The following VPS13D variants were observed in gnomAD, a reference collection of about 807,000 sequenced individuals.
The protein encoded by VPS13D is vacuolar protein sorting 13 homolog D, also known as intermembrane lipid transfer protein VPS13D.
A neutral mutation model predicts 461.9 loss-of-function variants in VPS13D; 187 were observed. The observed-to-expected ratio is 0.40, with a 90% CI of 0.36 to 0.46. The LOEUF is 0.46. Ranked by LOEUF, VPS13D falls within the 20% of genes least tolerant of loss-of-function variation. VPS13D has a pLI of 0.60. For missense variants in VPS13D, 4,711 were observed against 5,364.9 expected (o/e 0.88, Z 3.81); for synonymous variants, 1,951 against 1,986.3 (o/e 0.98, Z 0.47).
intron 67 of VPS13D, among the ~76,000 whole-genome samples, chr1:12,486,012 C>G (rs1057015193): frequency 1.1e-4 from 17 of 152,180 alleles, no homozygotes; most frequent in African/African-American, 4.1e-4. Flanking sequence ...TGTGGATATT[C>G]TTGCCTCATG....
chr1:12,338,373 T>G, intron 40 of VPS13D, 68 bp downstream of exon 40: 1 of 1,481,338 alleles, frequency 6.8e-7, no homozygotes, highest in South Asian at 1.1e-5. Flanking sequence ...ACATCAATTT[T>G]TTTTTTAATG....
At chr1:12,486,144 C>A (rs1645794002) in intron 67 of VPS13D, among the ~76,000 whole-genome samples, 1 of 152,342 alleles carries the variant, frequency 6.6e-6, no homozygotes, top group Admixed American at 6.5e-5. Context: ...CAGTTTGACA[C>A]AAGTTCAAGG....
At chr1:12,285,984 T>A (rs1641960144) in intron 21 of VPS13D, among the ~76,000 whole-genome samples, 1 of 74,028 alleles carries the variant, frequency 1.4e-5, no homozygotes, top group Admixed American at 1.3e-4. Context: ...TTTCCTTTCC[T>A]TTCCTTTCCT....
intron 52 of VPS13D, among the ~76,000 whole-genome samples, chr1:12,365,703 CAAA>C: frequency 1.1e-5 from 1 of 92,094 alleles, no homozygotes; most frequent in Admixed American, 1.1e-4. Context: ...GACTCTGTCT[CAAA>C]AAAAAAAAAA....
At chr1:12,312,369 C>T (rs907959880) in intron 29 of VPS13D, among the ~76,000 whole-genome samples, 1 of 152,184 alleles carries the variant, frequency 6.6e-6, no homozygotes, top group African/African-American at 2.4e-5. Context: ...GTGATGGAGT[C>T]AGAAAGTCCT....
chr1:12,486,069 A>G (rs1188932927), intron 67 of VPS13D, among the ~76,000 whole-genome samples: 12 of 152,206 alleles, frequency 7.9e-5, no homozygotes, highest in Non-Finnish European at 4.4e-5. Context: ...GGCGGAAAAA[A>G]GAAATCTCTT....
At chr1:12,282,671 T>A in intron 20 of VPS13D, 34 bp from the exon 21 acceptor site, 1 of 1,555,130 alleles carries the variant, frequency 6.4e-7, no homozygotes, top group Non-Finnish European at 8.7e-7. Flanking sequence ...CATTTAATAA[T>A]AAGAGTAACT....
intron 33 of VPS13D, 32 bp from the exon 34 acceptor site, chr1:12,322,503 TA>T: frequency 6.2e-7 from 1 of 1,608,920 alleles, no homozygotes; most frequent in Non-Finnish European, 8.5e-7. Flanking sequence ...AATGCAGCTT[TA>T]AAAAATTGCT....
intron 63 of VPS13D, among the ~76,000 whole-genome samples, chr1:12,405,985 T>C (rs1644648504): frequency 6.6e-6 from 1 of 152,210 alleles, no homozygotes; most frequent in Non-Finnish European, 1.5e-5. Flanking sequence ...GATGGTTGTG[T>C]GTGCGCTCGG....
intron 57 of VPS13D, 123 bp from the exon 58 acceptor site, chr1:12,382,853 C>T: frequency 1.2e-6 from 1 of 817,268 alleles, no homozygotes; most frequent in Non-Finnish European, 1.9e-6. Context: ...GGCTTTGTTG[C>T]ACATTGATCA....
chr1:12,248,526 G>A (rs1183330079), intron 5 of VPS13D, among the ~76,000 whole-genome samples: 1 of 151,984 alleles, frequency 6.6e-6, no homozygotes, highest in Non-Finnish European at 1.5e-5. Flanking sequence ...AAAATTTTTA[G>A]TAGAAGTGAG....
At chr1:12,466,663 A>G (rs1645487957) in intron 67 of VPS13D, among the ~76,000 whole-genome samples, 1 of 151,770 alleles carries the variant, frequency 6.6e-6, no homozygotes, top group Non-Finnish European at 1.5e-5. Flanking sequence ...GCATCCATAT[A>G]GAGGCATGTA....
intron 65 of VPS13D, among the ~76,000 whole-genome samples, chr1:12,432,166 G>A (rs991754194): frequency 1.3e-5 from 2 of 152,108 alleles, no homozygotes; most frequent in Admixed American, 6.6e-5. Context: ...GGCTGAGGCG[G>A]GCGGATAACC....
intron 67 of VPS13D, among the ~76,000 whole-genome samples, chr1:12,461,895 T>C (rs2100420085): frequency 6.6e-6 from 1 of 152,358 alleles, no homozygotes; most frequent in South Asian, 2.1e-4. Flanking sequence ...TTTTTCATTC[T>C]TTTTAGGAGC....
intron 38 of VPS13D, 121 bp downstream of exon 38, chr1:12,333,487 C>G (rs1400487445): frequency 1.6e-6 from 2 of 1,252,044 alleles, no homozygotes; most frequent in East Asian, 2.5e-5. Flanking sequence ...CTTCTTCATC[C>G]TGACTGCTTT....
chr1:12,502,563 C>T lies in VPS13D; in HGVS notation c.12795-4290C>T, dbSNP rs966242882. 1.3e-5 allele frequency among the ~76,000 whole-genome samples: 2 copies of T among 151,040 alleles called. No homozygotes were observed. The highest frequency in any genetic ancestry group is 4.9e-5 in the African/African-American group (2 of 40,902). ...CGCCTAGGGGTAGAGGAGCCTGTTC[C>T]AGGAGCTCTGAGTCAGGCTTCTGAT... On this transcript the variant is annotated intron_variant, in intron 68 of 69. Coordinates refer to ENST00000620676, the MANE Select transcript of VPS13D (RefSeq NM_015378.4). The surrounding 1 kb of genome is among the most constrained non-coding windows in gnomAD (Gnocchi z 4.3).
intron 65 of VPS13D, among the ~76,000 whole-genome samples, chr1:12,442,246 T>C (rs1557441521): frequency 6.6e-6 from 1 of 152,234 alleles, no homozygotes; most frequent in Non-Finnish European, 1.5e-5. Context: ...ATGTTTCAAA[T>C]ATTATTTCAA....
rs901365556 is a variant in VPS13D, at chr1:12,311,880, A to C, written c.6890A>C (p.Glu2297Ala). 52 of 1,614,054 alleles carry C rather than the reference A, an allele frequency of 3.2e-5. No homozygotes were observed. Among genetic ancestry groups the C allele is most frequent in the Non-Finnish European group, 4.3e-5 (51 of 1,180,022 alleles). ...ATTGATATGGTGAATGTAAGTCTGG[A>C]GCTTAAAGATCCAAAAAGAAAAGAA... ...FLIDMVNVSL[E>A]LKDPKRKEGA... Residue 2297 changes from glutamate (E) to alanine (A), a missense_variant, in exon 29 of 70, where the codon GAG (glutamate) becomes GCG (alanine). Transcript: ENST00000620676.
intron 63 of VPS13D, among the ~76,000 whole-genome samples, chr1:12,413,630 C>T (rs1370615035): frequency 3.3e-5 from 5 of 152,154 alleles, no homozygotes; most frequent in Non-Finnish European, 7.3e-5. Flanking sequence ...CGCCACCATG[C>T]CCAGTTAATT....
Sources: gnomAD v4.1 joint callset for allele counts (sites outside exome capture counted in the v4.1 genomes callset) on GRCh38, gnomAD v4.1.1 for gene constraint, Gnocchi (gnomAD v3.1) non-coding constraint, MANE v1.5 for transcripts, NCBI Gene and HGNC (gene_info 2026-07-23, HGNC 2026-07-21) for gene names.